ZNF292: variants seen among roughly 807,000 people sequenced by gnomAD.
ZNF292 encodes the protein zinc finger protein 292, also known as 16 zinc-finger domain protein.
A neutral mutation model predicts 217.9 loss-of-function variants in ZNF292; 26 were observed. The observed-to-expected ratio is 0.12, with a 90% confidence interval of 0.09 to 0.17. The LOEUF (loss-of-function observed/expected upper bound fraction) is 0.17. ZNF292 is among the 10% of genes least tolerant of loss of function. ZNF292 has a pLI of 1.00. For missense variants in ZNF292, 2,904 were observed against 3,175.2 expected, an observed-to-expected ratio of 0.91 and a Z score of 2.05; for synonymous variants, 1,257 against 1,124.1, an observed-to-expected ratio of 1.12 and a Z score of -2.37.
intron 1 of ZNF292, among the ~76,000 whole-genome samples, chr6:87,160,513 G>GTGTGTGTGTA (rs377563820): frequency 2.7e-5 from 4 of 148,684 alleles, no homozygotes; most frequent in African/African-American, 1.0e-4. Context: ...GTGTGTGTGT[G>GTGTGTGTGTA]TATATATATG....
intron 1 of ZNF292, among the ~76,000 whole-genome samples, chr6:87,203,246 T>C (rs1287554126): frequency 6.6e-6 from 1 of 150,646 alleles, no homozygotes; most frequent in African/African-American, 2.4e-5. Flanking sequence ...GTTAAGGTGA[T>C]CCTCCCACCT....
intron 1 of ZNF292, chr6:87,215,017 CAT>C (rs999761957): frequency 6.6e-6 from 1 of 151,704 alleles, no homozygotes; most frequent in Non-Finnish European, 1.5e-5. Context: ...CCTGAATTTC[CAT>C]ATGTTTGATT....
At chr6:87,213,316 A>G (rs1772582906) in intron 1 of ZNF292, among the ~76,000 whole-genome samples, 1 of 152,206 alleles carries the variant, frequency 6.6e-6, no homozygotes, top group Non-Finnish European at 1.5e-5. Context: ...TCAAACATAA[A>G]TTTAATTTTC....
In ZNF292 at chr6:87,155,583, G is replaced by A; in HGVS notation, c.-9G>A. The A allele has an allele frequency of 6.4e-7, 1 of 1,574,614 alleles. No individual in the cohort carries two copies. Among genetic ancestry groups the A allele is most frequent in the African/African-American group, 1.3e-5 (1 of 74,308 alleles). On this transcript the variant is annotated 5_prime_UTR_variant, in exon 1 of 8. Transcript: ENST00000369577. The stretch of plus-strand genomic sequence containing the variant: ...CCCAGGTGCGTACGCGACGGAGCGG[G>A]GTGTGAAGATGGCGGACGAAGAGGC...
chr6:87,192,893 C>T (rs1271037464), intron 1 of ZNF292, among the ~76,000 whole-genome samples: 5 of 152,060 alleles, frequency 3.3e-5, no homozygotes, highest in Admixed American at 3.3e-4. Flanking sequence ...TTTCAGTGGG[C>T]TGGATTTCCA....
rs201275671 is a variant in ZNF292, at chr6:87,257,167, T to C, written c.3538T>C (p.Cys1180Arg). 1.3e-4 allele frequency: 204 copies of C among 1,613,928 alleles called. No individual in the cohort carries two copies. The highest frequency in any genetic ancestry group is 1.7e-4 in the Non-Finnish European group (200 of 1,179,856). Residue 1180 changes from cysteine to arginine, a missense_variant, in exon 8 of 8, where the codon TGT becomes CGT. Around this residue, in one of 15 missense-constraint regions of ZNF292, gnomAD observed 687 missense variants for 623.0 expected, o/e 1.10. Transcript: ENST00000369577. Reference protein sequence around the residue: ...SQTKANGNPACSAQLQHVSPP... With the variant: ...SQTKANGNPARSAQLQHVSPP... ...GACCAAAGCCAATGGGAATCCTGCT[T>C]GTTCGGCCCAGTTGCAGCATGTCTC...
chr6:87,253,220 C>CTTTTTTTT (rs66511840), intron 7 of ZNF292, among the ~76,000 whole-genome samples: 4 of 119,010 alleles, frequency 3.4e-5, no homozygotes, highest in African/African-American at 1.0e-4. Context: ...CATGCCCAGC[C>CTTTTTTTT]TTTTTTTTTT....
chr6:87,260,861 A>C lies in ZNF292; in HGVS notation c.7232A>C (p.Lys2411Thr). 1 of 1,610,820 alleles carries C rather than the reference A, an allele frequency of 6.2e-7. No individual in the cohort carries two copies. Residue 2411 changes from lysine to threonine, a missense_variant, in exon 8 of 8, where the codon AAA becomes ACA. Lys to Thr is a moderately conservative substitution (Grantham distance 78). Transcript: ENST00000369577. ...SNIIRHYKCH[K>T]LSKAFTSQHR... ...ATAATTAGACATTATAAGTGCCATA[A>C]ATTATCTAAGGCATTTACATCACAA...
Position 87,256,791 on chromosome 6 carries a change from T to C in ZNF292, c.3162T>C (p.Val1054=), listed in dbSNP as rs148842527. 3.8e-4 allele frequency: 609 copies of C among 1,613,202 alleles called. 1 individual carries two copies. The African/African-American group carries it at 7.3e-3, about 19-fold the overall frequency. The change falls in exon 8 of 8, where the codon GTT becomes GTC. Residue 1054 remains valine, a synonymous_variant. Transcript: ENST00000369577. ...PTSKFECGDN[V]KTSSNLYNLP... ...CCAAATTTGAATGTGGAGATAATGT[T>C]AAAACATCATCCAATCTTTATAATT...
At chr6:87,230,356 G>A (rs777843545) in intron 4 of ZNF292, among the ~76,000 whole-genome samples, 1 of 152,130 alleles carries the variant, frequency 6.6e-6, no homozygotes, top group African/African-American at 2.4e-5. Flanking sequence ...TAATTCTTGT[G>A]TAATTATTTA....
chr6:87,176,166 TAAG>T (rs1272547840), intron 1 of ZNF292, among the ~76,000 whole-genome samples: 2 of 152,174 alleles, frequency 1.3e-5, no homozygotes, highest in Admixed American at 6.6e-5. Context: ...GACTACAGAT[TAAG>T]AAGAGAAAAT....
chr6:87,178,759 C>T (rs1771379238), intron 1 of ZNF292, among the ~76,000 whole-genome samples: 1 of 152,152 alleles, frequency 6.6e-6, no homozygotes, highest in East Asian at 1.9e-4. Flanking sequence ...AGAACCCAAA[C>T]TAAGTAAAAC....
chr6:87,225,079 A>C (rs1407776344), intron 4 of ZNF292, among the ~76,000 whole-genome samples: 1 of 152,136 alleles, frequency 6.6e-6, no homozygotes, highest in African/African-American at 2.4e-5. Flanking sequence ...GTGATATCAC[A>C]TTGTTATTTT....
intron 1 of ZNF292, among the ~76,000 whole-genome samples, chr6:87,161,628 T>G (rs1338352559): frequency 2.0e-5 from 3 of 152,140 alleles, no homozygotes; most frequent in African/African-American, 7.2e-5. Context: ...ATTGCCCAGG[T>G]TGGTCTCAAA....
In ZNF292 at chr6:87,214,020, A is replaced by G. The variant is rs150136026; in HGVS notation, c.169-1883A>G. Among the ~76,000 whole-genome samples the G allele has an allele frequency of 4.3e-3, 650 of 152,334 alleles. 2 individuals are homozygous for G. The highest frequency in any genetic ancestry group is 0.015 in the African/African-American group (616 of 41,576). On this transcript the variant is annotated intron_variant, in intron 1 of 7. Coordinates refer to ENST00000369577, the MANE Select transcript of ZNF292 (RefSeq NM_015021.3). The stretch of plus-strand genomic sequence containing the variant: ...TCTGAGGCTGCTTCTTCAGCATGTC[A>G]AAGTGCCACAGTTTGGGGTATCAGT...
intron 3 of ZNF292, 43 bp from the exon 4 acceptor site, chr6:87,218,553 A>G (rs1334049120): frequency 6.8e-7 from 1 of 1,480,042 alleles, no homozygotes; most frequent in Non-Finnish European, 9.0e-7. Context: ...CTTGCTTTTA[A>G]AAATCTGTTG....
At chr6:87,240,362 C>A (rs1774213140) in intron 5 of ZNF292, among the ~76,000 whole-genome samples, 1 of 147,842 alleles carries the variant, frequency 6.8e-6, no homozygotes, top group African/African-American at 2.5e-5. Flanking sequence ...GAGAGGGAGA[C>A]CCGTGGCGGT....
At chr6:87,176,617 A>T (rs7757330) in intron 1 of ZNF292, among the ~76,000 whole-genome samples, 1 of 151,888 alleles carries the variant, frequency 6.6e-6, no homozygotes, top group African/African-American at 2.4e-5. Flanking sequence ...TATCACCCTC[A>T]ATGTTTTCTT....
chr6:87,259,324 A>G lies in ZNF292; in HGVS notation c.5695A>G (p.Asn1899Asp). Residue 1899 changes from asparagine (N) to aspartate (D), a missense_variant, in exon 8 of 8, where the codon AAT becomes GAT. Asn to Asp is a conservative substitution (Grantham distance 23). Around this residue, in one of 15 missense-constraint regions of ZNF292, gnomAD observed 622 missense variants for 573.1 expected, o/e 1.09. Coordinates refer to ENST00000369577, the MANE Select transcript of ZNF292 (RefSeq NM_015021.3). The part of the protein sequence containing the change: ...MINIQFNDKV[N>D]KPFVCQNQGC... ...AAACATTCAATTTAATGACAAAGTT[A>G]ATAAACCCTTTGTGTGTCAAAACCA... is the stretch of plus-strand genomic sequence containing the variant. The G allele has an allele frequency of 6.2e-7, 1 of 1,613,526 alleles. No individual in the cohort carries two copies.
Sources: allele counts gnomAD v4.1 joint callset (sites outside exome capture counted in the v4.1 genomes callset), GRCh38; gene constraint gnomAD v4.1.1; regional missense constraint gnomAD v4.1.1; transcripts MANE v1.5; gene names NCBI Gene and HGNC (gene_info 2026-07-23, HGNC 2026-07-21).